The following DISC1 variants were observed in gnomAD, a reference collection of about 807,000 sequenced individuals.
The protein encoded by DISC1 is disrupted in schizophrenia 1 protein.
DISC1 carries 57 observed loss-of-function variants against 84.5 expected under a neutral mutation model. The ratio of observed to expected loss-of-function variants is 0.67; its 90% CI spans 0.55 to 0.84. The LOEUF (loss-of-function observed/expected upper bound fraction) is 0.84, where lower values mean the gene tolerates loss of function less well. Among genes scored for constraint, DISC1 ranks in the 40% least tolerant of loss-of-function variants. The pLI is 0.00. For synonymous variants in DISC1, 411 were observed against 415.2 expected (o/e 0.99, Z 0.12); for missense variants, 1,000 against 1,057.8 (o/e 0.95, Z 0.76).
intron 4 of DISC1, among the ~76,000 whole-genome samples, chr1:231,763,014 G>A (rs111893719): frequency 1.9e-4 from 29 of 152,332 alleles, no homozygotes; most frequent in African/African-American, 6.5e-4. Flanking sequence ...GCCTCCACAG[G>A]CTGTGCACTC....
intron 9 of DISC1, among the ~76,000 whole-genome samples, chr1:231,869,865 G>T (rs2125947751): frequency 6.6e-6 from 1 of 152,230 alleles, no homozygotes; most frequent in East Asian, 1.9e-4. Flanking sequence ...CCTGAGAGGG[G>T]TCTTGCCTTA....
At position 231,842,972 on chromosome 1, in the gene DISC1, C is replaced by T. The variant is rs139225344; in HGVS notation, c.1981+24455C>T. Among the ~76,000 whole-genome samples the T allele has an allele frequency of 9.3e-4, 142 of 152,238 alleles. No individual in the cohort carries two copies. In the East Asian group the frequency reaches 0.019, roughly 20 times the overall value. ...AACTAATTTTTATAGTGAGCCACTA[C>T]GTGCCGGGCTGTGTCTGCAGCTGGT... On this transcript the variant is annotated intron_variant, in intron 9 of 12. Transcript: ENST00000439617.
intron 3 of DISC1, among the ~76,000 whole-genome samples, chr1:231,733,734 G>A (rs1284978831): frequency 1.1e-5 from 1 of 94,716 alleles, no homozygotes; most frequent in African/African-American, 3.3e-5. Flanking sequence ...TGGTGATTGT[G>A]GGAGTGGTGG....
chr1:231,784,831 C>G (rs2077707879), intron 6 of DISC1, among the ~76,000 whole-genome samples: 2 of 152,178 alleles, frequency 1.3e-5, no homozygotes, highest in African/African-American at 4.8e-5. Context: ...CCTGGTGCTC[C>G]TACCTCTCAG....
chr1:231,652,487 A>AAC (rs1303546322), intron 1 of DISC1, among the ~76,000 whole-genome samples: 2 of 152,068 alleles, frequency 1.3e-5, no homozygotes, highest in Admixed American at 1.3e-4. Flanking sequence ...GAGGAAAAAT[A>AAC]ACACATTTAC....
At chr1:231,775,619 C>A (rs987302022) in intron 6 of DISC1, among the ~76,000 whole-genome samples, 1 of 152,096 alleles carries the variant, frequency 6.6e-6, no homozygotes, top group East Asian at 1.9e-4. Flanking sequence ...AAAGGAGAAC[C>A]CTTTTTAAGC....
chr1:231,774,208 T>G (rs1360761605), intron 6 of DISC1, among the ~76,000 whole-genome samples: 1 of 151,856 alleles, frequency 6.6e-6, no homozygotes, highest in Non-Finnish European at 1.5e-5. Context: ...GAACTATGAT[T>G]GTGCCACTGC....
intron 11 of DISC1, among the ~76,000 whole-genome samples, chr1:232,019,948 CT>C (rs754652378): frequency 6.6e-6 from 1 of 152,148 alleles, no homozygotes; most frequent in Non-Finnish European, 1.5e-5. Flanking sequence ...GGAATTGAGA[CT>C]TTGCAGAGTT....
intron 12 of DISC1, among the ~76,000 whole-genome samples, chr1:232,033,792 T>C (rs1400060049): frequency 6.6e-6 from 1 of 152,200 alleles, no homozygotes; most frequent in African/African-American, 2.4e-5. Flanking sequence ...AACATATTGA[T>C]TTAAATATGA....
intron 9 of DISC1, among the ~76,000 whole-genome samples, chr1:231,857,175 G>A (rs894128943): frequency 6.6e-6 from 1 of 152,224 alleles, no homozygotes; most frequent in Non-Finnish European, 1.5e-5. Flanking sequence ...GAGCGGTCAA[G>A]GCACTCTGTG....
chr1:231,750,029 C>A lies in DISC1; in HGVS notation c.1221C>A (p.His407Gln), dbSNP rs780639303. 1.2e-6 allele frequency: 2 copies of A among 1,614,186 alleles called. No homozygotes were observed. The highest frequency in any genetic ancestry group is 1.7e-6 in the Non-Finnish European group (2 of 1,180,018). ...RQPALSSFLGHLAAQVQAALR... is the reference protein window; with the variant it reads ...RQPALSSFLGQLAAQVQAALR... ...CAGCTCTTAGCAGTTTCCTGGGTCA[C>A]CTGGCAGCACAAGTCCAGGCTGCCT... Residue 407 changes from histidine (H) to glutamine (Q), a missense_variant, in exon 4 of 13, where the codon CAC (histidine) becomes CAA (glutamine). This residue lies in a region of DISC1 where 311 missense variants were observed against 400.1 expected (regional missense o/e 0.78). Coordinates refer to ENST00000439617, the MANE Select transcript of DISC1 (RefSeq NM_018662.3).
At chr1:231,856,628 G>A (rs189058364) in intron 9 of DISC1, among the ~76,000 whole-genome samples, 2 of 152,276 alleles carry the variant, frequency 1.3e-5, no homozygotes, top group Admixed American at 1.3e-4. Flanking sequence ...GCGGCCCAGG[G>A]AGCTTGCCTG....
In DISC1 at chr1:231,626,945, T is replaced by A. The variant is rs766765672; in HGVS notation, c.67+11T>A. ...TGAGCCACCGCGCAGGTAGGGGAGC[T>A]GCCACAGAGTCCTAGCACGTCCTGG... is the stretch of plus-strand genomic sequence containing the variant. On this transcript the variant is annotated intron_variant, in intron 1 of 12. Transcript: ENST00000439617. 1 of 1,502,046 alleles carries A rather than the reference T, an allele frequency of 6.7e-7. No homozygotes were observed. Among genetic ancestry groups the A allele is most frequent in the South Asian group, 1.2e-5 (1 of 81,126 alleles). 93.0% of individuals were successfully genotyped at this position (1,502,046 alleles called of 1,614,324 possible).
intron 5 of DISC1, among the ~76,000 whole-genome samples, chr1:231,770,166 T>A (rs1281014807): frequency 6.6e-6 from 1 of 152,212 alleles, no homozygotes; most frequent in East Asian, 1.9e-4. Context: ...GACGATGATC[T>A]ACTATAACAC....
At chr1:231,992,714 C>A (rs1002697183) in intron 10 of DISC1, among the ~76,000 whole-genome samples, 5 of 152,128 alleles carry the variant, frequency 3.3e-5, no homozygotes, top group African/African-American at 1.2e-4. Context: ...TGCAGCGAAT[C>A]CATTGGGATC....
At chr1:232,028,230 G>A (rs1165608221) in intron 12 of DISC1, among the ~76,000 whole-genome samples, 1 of 152,144 alleles carries the variant, frequency 6.6e-6, no homozygotes, top group Non-Finnish European at 1.5e-5. Context: ...CAGAGGAGGA[G>A]TCCGCTGCAG....
intron 8 of DISC1, among the ~76,000 whole-genome samples, 157 bp from the exon 9 acceptor site, chr1:231,818,172 T>A (rs921066454): frequency 6.6e-6 from 1 of 152,206 alleles, no homozygotes; most frequent in African/African-American, 2.4e-5. Flanking sequence ...TTTTTCCAGG[T>A]TCTTTCCCCA....
intron 4 of DISC1, among the ~76,000 whole-genome samples, chr1:231,751,262 T>G (rs1399166293): frequency 6.6e-6 from 1 of 152,208 alleles, no homozygotes; most frequent in African/African-American, 2.4e-5. Flanking sequence ...GGTTATTTCT[T>G]GTCGTCTACT....
chr1:231,959,294 C>T, intron 10 of DISC1: 2 of 986,510 alleles, frequency 2.0e-6, no homozygotes, highest in Non-Finnish European at 2.4e-6. Context: ...GTCTTAGGTT[C>T]TGTTTTGAAT....
Sources: gnomAD v4.1 joint callset for allele counts (sites outside exome capture counted in the v4.1 genomes callset) on GRCh38, gnomAD v4.1.1 for gene constraint, gnomAD v4.1.1 regional missense constraint, MANE v1.5 for transcripts, NCBI Gene and HGNC (gene_info 2026-07-23, HGNC 2026-07-21) for gene names.